The following DACH1 variants were observed in gnomAD, a reference collection of about 807,000 sequenced individuals.
DACH1 encodes dachshund family transcription factor 1.
A neutral mutation model predicts 54.2 loss-of-function variants in DACH1; 12 were observed. That is an observed-to-expected ratio of 0.22 (90% CI 0.14 to 0.36). The LOEUF is 0.36. Ranked by LOEUF, DACH1 falls within the 10% of genes least tolerant of loss-of-function variation. The pLI is 1.00. For missense variants in DACH1, 805 were observed against 929.8 expected (o/e 0.87, Z 1.75); for synonymous variants, 386 against 366.2 (o/e 1.05, Z -0.62).
At chr13:71,649,321 C>G (rs995367201) in intron 2 of DACH1, among the ~76,000 whole-genome samples, 1 of 152,108 alleles carries the variant, frequency 6.6e-6, no homozygotes, top group Non-Finnish European at 1.5e-5. Context: ...CAGAATGTAT[C>G]TTCGTCATTA....
intron 1 of DACH1, among the ~76,000 whole-genome samples, chr13:71,847,328 G>A (rs9572799): frequency 0.095 from 14,389 of 152,014 alleles, 1,405 homozygotes; most frequent in East Asian, 0.57. Context: ...TTTCATAAGA[G>A]CATTTGCAAG....
At chr13:71,705,814 T>G (rs1188488781) in intron 1 of DACH1, among the ~76,000 whole-genome samples, 2 of 152,014 alleles carry the variant, frequency 1.3e-5, no homozygotes, top group Non-Finnish European at 2.9e-5. Flanking sequence ...TCATGAAGTC[T>G]CCATTAAAAC....
chr13:71,767,328 A>C (rs1885679867), intron 1 of DACH1, among the ~76,000 whole-genome samples: 1 of 152,072 alleles, frequency 6.6e-6, no homozygotes, highest in African/African-American at 2.4e-5. Context: ...TATGTGAAAA[A>C]TCTAAGTTAT....
intron 3 of DACH1, among the ~76,000 whole-genome samples, chr13:71,623,747 G>T (rs1876424121): frequency 6.6e-6 from 1 of 151,810 alleles, no homozygotes. Flanking sequence ...GAGCAGTTAA[G>T]TGACTTATCT....
chr13:71,560,118 A>T (rs1374506059), intron 4 of DACH1, among the ~76,000 whole-genome samples, 163 bp from the exon 5 acceptor site: 1 of 152,236 alleles, frequency 6.6e-6, no homozygotes, highest in Non-Finnish European at 1.5e-5. Flanking sequence ...TATCTTGAGC[A>T]AGCCAAATAA....
chr13:71,700,435 A>G (rs1882067569), intron 1 of DACH1, among the ~76,000 whole-genome samples: 1 of 151,890 alleles, frequency 6.6e-6, no homozygotes, highest in South Asian at 2.1e-4. Flanking sequence ...GCACGGCTGT[A>G]TTCTCAGCTA....
chr13:71,515,469 T>C (rs1372633522), intron 6 of DACH1, among the ~76,000 whole-genome samples: 1 of 151,938 alleles, frequency 6.6e-6, no homozygotes, highest in Non-Finnish European at 1.5e-5. Context: ...CATATATACA[T>C]ATAAAAAAGG....
chr13:71,631,141 T>C (rs1877070963), intron 2 of DACH1, among the ~76,000 whole-genome samples: 1 of 152,194 alleles, frequency 6.6e-6, no homozygotes. Context: ...TTCTTCATTG[T>C]CATCCACACC....
chr13:71,548,969 T>C (rs1883633617), intron 6 of DACH1, among the ~76,000 whole-genome samples: 1 of 151,910 alleles, frequency 6.6e-6, no homozygotes, highest in Admixed American at 6.6e-5. Flanking sequence ...TGGGGTAAAT[T>C]CTCACTCAAA....
intron 1 of DACH1, among the ~76,000 whole-genome samples, chr13:71,712,483 T>C (rs1025189195): frequency 4.6e-5 from 7 of 152,098 alleles, no homozygotes; most frequent in Non-Finnish European, 1.0e-4. Context: ...ATAAACTACA[T>C]TGCATTGACC....
intron 1 of DACH1, among the ~76,000 whole-genome samples, chr13:71,822,509 A>G (rs1304829735): frequency 2.0e-5 from 3 of 152,174 alleles, no homozygotes; most frequent in Admixed American, 1.3e-4. Context: ...AACACACTGC[A>G]TGTTTCCCAA....
chr13:71,617,489 T>C (rs1225475408), intron 3 of DACH1, among the ~76,000 whole-genome samples: 1 of 152,182 alleles, frequency 6.6e-6, no homozygotes, highest in Non-Finnish European at 1.5e-5. Context: ...AATAAGTAGA[T>C]GTTATACAAT....
intron 1 of DACH1, among the ~76,000 whole-genome samples, chr13:71,687,956 T>G (rs921500823): frequency 1.3e-5 from 2 of 152,186 alleles, no homozygotes; most frequent in Admixed American, 6.5e-5. Flanking sequence ...TTGGATCATA[T>G]TTTTCAGAGA....
intron 6 of DACH1, among the ~76,000 whole-genome samples, chr13:71,515,293 A>G (rs368453231): frequency 2.0e-5 from 3 of 151,950 alleles, no homozygotes; most frequent in African/African-American, 7.2e-5. Context: ...TAAAGACAAC[A>G]TCAGGATCTC....
chr13:71,750,352 G>A (rs760636289), intron 1 of DACH1, among the ~76,000 whole-genome samples: 3 of 152,002 alleles, frequency 2.0e-5, no homozygotes, highest in Non-Finnish European at 4.4e-5. Flanking sequence ...TTACACTGCC[G>A]CAAAAATGCC....
intron 1 of DACH1, among the ~76,000 whole-genome samples, chr13:71,811,052 G>A (rs1358722720): frequency 6.6e-6 from 1 of 151,992 alleles, no homozygotes; most frequent in Non-Finnish European, 1.5e-5. Flanking sequence ...AAGACAATAA[G>A]AGAAATAGTT....
At chr13:71,588,115 A>G (rs1326651901) in intron 3 of DACH1, among the ~76,000 whole-genome samples, 1 of 152,132 alleles carries the variant, frequency 6.6e-6, no homozygotes, top group African/African-American at 2.4e-5. Flanking sequence ...GAGAAGCTAC[A>G]AAGGTTTAGA....
chr13:71,479,062 C>T lies in DACH1; in HGVS notation c.1870+107G>A, dbSNP rs370903217. ...AAATTCTGCTCTGAACTTTAGCTAC[C>T]GTTAAATTAACAAAAATACTACAAT... On this transcript the variant is annotated intron_variant, in intron 8 of 10. Coordinates refer to ENST00000613252, the MANE Select transcript of DACH1 (RefSeq NM_080759.6). 6.0e-4 allele frequency: 641 copies of T among 1,064,374 alleles called. 13 individuals carry two copies. In the South Asian group the frequency reaches 0.011, roughly 19 times the overall value. 65.9% of individuals were successfully genotyped at this position (1,064,374 alleles called of 1,614,324 possible).
In DACH1 at chr13:71,833,376, T is replaced by C. The variant is rs1594277909; in HGVS notation, c.848+32546A>G. 2.0e-5 allele frequency among the ~76,000 whole-genome samples: 3 copies of C among 152,188 alleles called. No individual in the cohort carries two copies. In the South Asian group the frequency reaches 6.2e-4, roughly 32 times the overall value. The stretch of plus-strand genomic sequence containing the variant: ...ATAAAGAGAATAAACAAATTTAAAC[T>C]AAATTTTGTTTGAAAGCATCCGTTA... On this transcript the variant is annotated intron_variant, in intron 1 of 10. Coordinates refer to ENST00000613252, the MANE Select transcript of DACH1 (RefSeq NM_080759.6).
Sources: gnomAD v4.1 joint callset for allele counts (sites outside exome capture counted in the v4.1 genomes callset) on GRCh38, gnomAD v4.1.1 for gene constraint, MANE v1.5 for transcripts, NCBI Gene and HGNC (gene_info 2026-07-23, HGNC 2026-07-21) for gene names.